Variants in ANKRD26 observed in about 807,000 individuals in gnomAD.
ANKRD26 encodes the protein ankyrin repeat domain-containing protein 26.
Under a neutral mutation model 208.7 loss-of-function variants are expected in ANKRD26, and 141 were observed. That is an observed-to-expected ratio of 0.68 (90% CI 0.59 to 0.78). The LOEUF (loss-of-function observed/expected upper bound fraction) is 0.78, where lower values mean the gene tolerates loss of function less well. ANKRD26 is among the 30% of genes least tolerant of loss of function. ANKRD26 has a pLI of 0.00. For synonymous variants in ANKRD26, 636 were observed against 660.4 expected, an observed-to-expected ratio of 0.96 and a Z score of 0.57; for missense variants, 1,889 against 1,938.7, an observed-to-expected ratio of 0.97 and a Z score of 0.48.
rs2054331867 is a variant in ANKRD26 at position 27,043,440 on chromosome 10, C to A, written c.2147G>T (p.Gly716Val). The change falls in exon 20 of 34, where the codon GGA becomes GTA. Residue 716 changes from glycine to valine, a missense_variant. Physicochemically the swap from Gly to Val is moderately radical, Grantham distance 109 (BLOSUM62 -3). Around this residue, in one of 3 missense-constraint regions of ANKRD26, gnomAD observed 1,272 missense variants for 1,273.8 expected, o/e 1.00. Transcript: ENST00000376087. ...AATGGTCCTACCTTTACACTCCATT[C>A]CAAGTTGTTCAATGAGCAACATAAA... The part of the protein sequence containing the change: ...KNFMLLIEQL[G>V]MECKDSVSLL... 1.2e-6 allele frequency: 2 copies of A among 1,613,966 alleles called. No homozygotes were observed. Among genetic ancestry groups the A allele is most frequent in the African/African-American group, 2.7e-5 (2 of 75,032 alleles).
chr10:26,954,973 G>C, the ANKRD26 span, among the ~76,000 whole-genome samples: 1 of 149,002 alleles, frequency 6.7e-6, no homozygotes, highest in Admixed American at 6.8e-5. Flanking sequence ...GTATTGCCTG[G>C]TCTTAAAGTT....
chr10:27,053,230 A>G, intron 16 of ANKRD26, 90 bp downstream of exon 16: 1 of 912,650 alleles, frequency 1.1e-6, no homozygotes. Context: ...CTAAAAGGCT[A>G]GTCTGAAAAG....
chr10:26,959,644 T>G, the ANKRD26 span, among the ~76,000 whole-genome samples: 1 of 143,532 alleles, frequency 7.0e-6, no homozygotes, highest in Non-Finnish European at 1.5e-5. Context: ...CGAATGCACT[T>G]TTTTTTTTTT....
chr10:27,058,703 G>A (rs757418917), intron 15 of ANKRD26, among the ~76,000 whole-genome samples: 1 of 151,772 alleles, frequency 6.6e-6, no homozygotes, highest in Non-Finnish European at 1.5e-5. Flanking sequence ...AGCCTCCTGA[G>A]TAGCTGGGGT....
intron 3 of ANKRD26, among the ~76,000 whole-genome samples, chr10:26,983,550 G>T (rs1468930847): frequency 1.3e-5 from 2 of 152,162 alleles, no homozygotes; most frequent in African/African-American, 4.8e-5. Context: ...TGCACTGTTT[G>T]GTCTGGGTCT....
At position 26,976,400 on chromosome 10, in the gene ANKRD26, A is replaced by G. The variant is rs577032594; in HGVS notation, c.*282-358T>C. ...TGGCTAATTTTTGTATTTTTAGTAG[A>G]GATGGGGTTTTGCCATATTGGCCAG... On this transcript the variant is annotated intron_variant and NMD_transcript_variant, in intron 5 of 5. Coordinates refer to the ANKRD26 transcript ENST00000674670. Among the ~76,000 whole-genome samples, 3 of 152,166 alleles carry G rather than the reference A, an allele frequency of 2.0e-5. No individual in the cohort carries two copies. In the East Asian group the frequency reaches 5.8e-4, roughly 29 times the overall value.
chr10:27,082,632 C>G (rs2055964251), intron 6 of ANKRD26, among the ~76,000 whole-genome samples, 171 bp downstream of exon 6: 3 of 152,164 alleles, frequency 2.0e-5, no homozygotes, highest in Non-Finnish European at 4.4e-5. Flanking sequence ...AATTAATCAA[C>G]CTCTCTGAAC....
At chr10:27,043,062 A>G (rs7907257) in intron 20 of ANKRD26, among the ~76,000 whole-genome samples, 15,717 of 151,722 alleles carry the variant, frequency 0.1, 1,100 homozygotes, top group East Asian at 0.28. Context: ...CGATACAAAA[A>G]GCAAAATCCA....
At chr10:27,087,469 C>G (rs2056160963) in intron 4 of ANKRD26, among the ~76,000 whole-genome samples, 1 of 152,168 alleles carries the variant, frequency 6.6e-6, no homozygotes, top group Admixed American at 6.5e-5. Context: ...TCAAATGTTG[C>G]CATTTTCAGA....
exon 5 of ANKRD26, chr10:26,995,060 C>A (rs1313584579): frequency 6.4e-6 from 3 of 471,000 alleles, no homozygotes; most frequent in Non-Finnish European, 1.3e-5. Context: ...TCAGCATTAT[C>A]CAGTGGCATC....
At chr10:27,076,231 C>A (rs963140736) in intron 9 of ANKRD26, among the ~76,000 whole-genome samples, 2 of 147,740 alleles carry the variant, frequency 1.4e-5, no homozygotes, top group Non-Finnish European at 3.0e-5. Context: ...TATAAAAGAT[C>A]AATGAAACAA....
At chr10:27,014,734 G>A in intron 30 of ANKRD26, 23 bp from the exon 31 acceptor site, 2 of 1,588,080 alleles carry the variant, frequency 1.3e-6, no homozygotes, top group Non-Finnish European at 1.7e-6. Flanking sequence ...AAAAGCATAT[G>A]TTTTAAAAAT....
At chr10:26,982,819 TA>T (rs144481731) in intron 3 of ANKRD26, among the ~76,000 whole-genome samples, 3,400 of 152,080 alleles carry the variant, frequency 0.022, 173 homozygotes, top group East Asian at 0.17. Flanking sequence ...ACAACCTAAG[TA>T]AAAAAACAGG....
intron 11 of ANKRD26, among the ~76,000 whole-genome samples, chr10:27,065,709 T>TCAAGTTCTAA (rs1180690499): frequency 6.9e-6 from 1 of 144,188 alleles, no homozygotes; most frequent in Non-Finnish European, 1.5e-5. Context: ...CATTATCTTT[T>TCAAGTTCTAA]CAAGTTCTAA....
chr10:27,071,871 C>T (rs535736608), intron 9 of ANKRD26, among the ~76,000 whole-genome samples: 5 of 152,274 alleles, frequency 3.3e-5, no homozygotes, highest in South Asian at 4.1e-4. Flanking sequence ...CAAGAAAAAG[C>T]GGCATCCCCA....
intron 27 of ANKRD26, among the ~76,000 whole-genome samples, chr10:27,028,363 G>A (rs1021700974): frequency 1.4e-4 from 21 of 152,040 alleles, no homozygotes; most frequent in East Asian, 7.7e-4. Context: ...TTGGGAGGCC[G>A]AGGCGGGCGG....
chr10:26,954,902 T>G, the ANKRD26 span, among the ~76,000 whole-genome samples: 1 of 150,604 alleles, frequency 6.6e-6, no homozygotes, highest in East Asian at 1.9e-4. Context: ...ACTTTTAGCT[T>G]TGTGGGCGGG....
chr10:27,085,466 T>C (rs774180714), intron 5 of ANKRD26, among the ~76,000 whole-genome samples: 11 of 152,152 alleles, frequency 7.2e-5, no homozygotes, highest in Non-Finnish European at 1.2e-4. Flanking sequence ...CTGAATAAAG[T>C]CAGTAATAAT....
chr10:27,080,367 A>C (rs1351212855), intron 6 of ANKRD26, among the ~76,000 whole-genome samples: 1 of 152,152 alleles, frequency 6.6e-6, no homozygotes, highest in Non-Finnish European at 1.5e-5. Flanking sequence ...GAGTCCCCTG[A>C]AATGTGTGAA....
Sources: allele counts gnomAD v4.1 joint callset (sites outside exome capture counted in the v4.1 genomes callset), GRCh38; gene constraint gnomAD v4.1.1; regional missense constraint gnomAD v4.1.1; transcripts MANE v1.5; gene names NCBI Gene and HGNC (gene_info 2026-07-23, HGNC 2026-07-21).